Variants in COX10 observed in about 807,000 individuals in gnomAD.
COX10 encodes the protein protoheme IX farnesyltransferase, mitochondrial.
A neutral mutation model predicts 37.3 loss-of-function variants in COX10; 27 were observed. The observed-to-expected ratio is 0.72, with a 90% confidence interval of 0.53 to 1.00. The LOEUF (loss-of-function observed/expected upper bound fraction) is 1.00. Ranked by LOEUF, COX10 falls within the 50% of genes least tolerant of loss-of-function variation. The pLI is 0.00. For synonymous variants in COX10, 222 were observed against 229.1 expected (o/e 0.97, Z 0.28); for missense variants, 475 against 563.2 (o/e 0.84, Z 1.59).
chr17:14,186,735 G>C (rs2142259664), intron 5 of COX10, among the ~76,000 whole-genome samples: 1 of 152,086 alleles, frequency 6.6e-6, no homozygotes, highest in East Asian at 1.9e-4. Context: ...GCTCCTCCCA[G>C]GTGATTGCAT....
Position 14,102,208 on chromosome 17 carries a change from G to A in COX10, c.590G>A (p.Gly197Asp). ...TTCCTGCTTACTTCTGTTGGGACAGGCCTTGCATCCTGTGCTGCCAACTCC... is the reference window on the plus strand; with the variant it reads ...TTCCTGCTTACTTCTGTTGGGACAGACCTTGCATCCTGTGCTGCCAACTCC... ...PCFLLTSVGT[G>D]LASCAANSIN... The change falls in exon 4 of 7, where the codon GGC (glycine) becomes GAC (aspartate). Residue 197 changes from glycine (G) to aspartate (D), a missense_variant. Physicochemically the swap from Gly to Asp is moderately conservative, Grantham distance 94 (BLOSUM62 -1). Transcript: ENST00000261643. The A allele has an allele frequency of 6.2e-7, 1 of 1,613,664 alleles. No individual in the cohort carries two copies. Among genetic ancestry groups the A allele is most frequent in the Non-Finnish European group, 8.5e-7 (1 of 1,179,734 alleles).
chr17:14,125,537 A>G (rs1916324551), intron 4 of COX10, among the ~76,000 whole-genome samples: 1 of 152,204 alleles, frequency 6.6e-6, no homozygotes, highest in South Asian at 2.1e-4. Flanking sequence ...GGAGGCAAAT[A>G]CATTTGAGAG....
intron 4 of COX10, among the ~76,000 whole-genome samples, chr17:14,135,716 T>G (rs911605213): frequency 2.0e-5 from 3 of 152,004 alleles, no homozygotes; most frequent in African/African-American, 7.2e-5. Flanking sequence ...GAATTACTGT[T>G]TTTTCATAGT....
chr17:14,172,156 T>A lies in COX10; in HGVS notation c.695+12209T>A, dbSNP rs551633058. On this transcript the variant is annotated intron_variant, in intron 5 of 6. Transcript: ENST00000261643. ...TAGGTCTTCCGTAAGTGATCACTGT[T>A]TCACCAAACATATTTAAGACAAAAC... Among the ~76,000 whole-genome samples, 20 of 152,270 alleles carry A rather than the reference T, an allele frequency of 1.3e-4. No individual in the cohort carries two copies. The South Asian group carries it at 3.9e-3, about 30-fold the overall frequency.
Position 14,175,096 on chromosome 17 carries a change from G to GC in COX10, c.695+15149_695+15150insC, listed in dbSNP as rs1905631058. ...ACTGGGAAATAGCGGGGGGGGGGGGGGTGGATAGGAGGGAATTGGCTATAG... is the reference window on the plus strand; with the variant it reads ...ACTGGGAAATAGCGGGGGGGGGGGGGCGTGGATAGGAGGGAATTGGCTATAG... On this transcript the variant is annotated intron_variant, in intron 5 of 6. Transcript: ENST00000261643. 3.5e-4 allele frequency among the ~76,000 whole-genome samples: 24 copies of GC among 68,694 alleles called. 3 individuals carry two copies. The highest frequency in any genetic ancestry group is 1.3e-3 in the African/African-American group (24 of 18,462). The allele number at this position is 68,694 out of a possible 152,430, so 45.1% of individuals were successfully genotyped here. A position where few individuals can be genotyped will look rare whatever the true frequency, so the allele number is the denominator to read the frequency against.
At chr17:14,097,001 A>G (rs79430254) in intron 3 of COX10, among the ~76,000 whole-genome samples, 1,860 of 152,296 alleles carry the variant, frequency 0.012, 32 homozygotes, top group African/African-American at 0.042. Context: ...TAGATGGGTC[A>G]TGCTTCATTG....
At chr17:14,161,844 A>G (rs1253047836) in intron 5 of COX10, among the ~76,000 whole-genome samples, 2 of 152,174 alleles carry the variant, frequency 1.3e-5, no homozygotes, top group African/African-American at 2.4e-5. Flanking sequence ...CAGCTTGCAG[A>G]TGGCCTGTCG....
chr17:14,092,907 A>G lies in COX10; in HGVS notation c.500-9211A>G, dbSNP rs1915559969. ...AACTCCTTCCTCTGAATTAAGTTAT[A>G]CAATTTTGAACTTTGAGATCTGCTA... On this transcript the variant is annotated intron_variant, in intron 3 of 6. Transcript: ENST00000261643. 2.6e-5 allele frequency among the ~76,000 whole-genome samples: 4 copies of G among 152,228 alleles called. No homozygotes were observed. In the South Asian group the frequency reaches 8.3e-4, roughly 32 times the overall value.
rs1217723643 is a variant in COX10, at chr17:14,186,369, T to C, written c.696-5620T>C. On this transcript the variant is annotated intron_variant, in intron 5 of 6. Transcript: ENST00000261643. ...CATAAACTTGCCATTCTTCTCCTCT[T>C]TGGCCTTCTCACACACTGTTCCCAC... is the stretch of plus-strand genomic sequence containing the variant. 3.9e-5 allele frequency among the ~76,000 whole-genome samples: 6 copies of C among 151,982 alleles called. No homozygotes were observed. In the East Asian group the frequency reaches 1.2e-3, roughly 29 times the overall value.
At position 14,069,558 on chromosome 17, in the gene COX10, G is replaced by C. The variant is rs200728892; in HGVS notation, c.-48G>C. The C allele has an allele frequency of 1.5e-5, 24 of 1,608,734 alleles. No individual in the cohort carries two copies. The highest frequency in any genetic ancestry group is 1.9e-5 in the Non-Finnish European group (22 of 1,176,360). ...GATGGCGGCGCCCAGCGTCCCGTGA[G>C]GAGAGAGGACACAGGGATCCCGGGG... On this transcript the variant is annotated 5_prime_UTR_variant, in exon 1 of 7. Transcript: ENST00000261643.
intron 3 of COX10, among the ~76,000 whole-genome samples, chr17:14,098,914 T>C (rs1250135472): frequency 6.6e-6 from 1 of 152,128 alleles, no homozygotes; most frequent in Non-Finnish European, 1.5e-5. Flanking sequence ...TGACTTGTAG[T>C]AGCATATATG....
chr17:14,174,564 G>A (rs189921594), intron 5 of COX10, among the ~76,000 whole-genome samples: 1 of 152,120 alleles, frequency 6.6e-6, no homozygotes, highest in East Asian at 1.9e-4. Context: ...TAATCATACG[G>A]GAAATGCAAA....
intron 6 of COX10, among the ~76,000 whole-genome samples, chr17:14,200,709 A>G (rs1906518922): frequency 6.6e-6 from 1 of 152,236 alleles, no homozygotes; most frequent in South Asian, 2.1e-4. Context: ...CAGACTAGCA[A>G]GTATTTGATT....
intron 5 of COX10, among the ~76,000 whole-genome samples, chr17:14,161,936 T>C (rs1330741610): frequency 2.0e-5 from 3 of 152,212 alleles, no homozygotes; most frequent in Admixed American, 2.0e-4. Flanking sequence ...CACATCCTAT[T>C]GGTTCTGTAT....
chr17:14,156,318 C>T (rs72816672), intron 4 of COX10, among the ~76,000 whole-genome samples: 23,351 of 152,016 alleles, frequency 0.15, 2,207 homozygotes, highest in East Asian at 0.4. Context: ...CTCTGCCTCC[C>T]GGGAGGGTTC....
intron 6 of COX10, among the ~76,000 whole-genome samples, chr17:14,195,306 G>A (rs535977708): frequency 2.6e-5 from 4 of 152,248 alleles, no homozygotes; most frequent in African/African-American, 7.2e-5. Flanking sequence ...TTATTGCTGG[G>A]ATTTTAGGAA....
At chr17:14,082,456 T>A (rs1256986774) in intron 3 of COX10, among the ~76,000 whole-genome samples, 1 of 152,192 alleles carries the variant, frequency 6.6e-6, no homozygotes, top group Non-Finnish European at 1.5e-5. Flanking sequence ...ATAATCTATT[T>A]TAAAATAATT....
chr17:14,097,944 T>C (rs541887897), intron 3 of COX10, among the ~76,000 whole-genome samples: 2 of 152,306 alleles, frequency 1.3e-5, no homozygotes, highest in East Asian at 3.9e-4. Flanking sequence ...ATTGTCGTAC[T>C]GTATTGTTTA....
chr17:14,155,329 TAAAAA>T (rs11315138), intron 4 of COX10, among the ~76,000 whole-genome samples: 1 of 144,740 alleles, frequency 6.9e-6, no homozygotes. Context: ...AACATCTACA[TAAAAA>T]AAAAAAAAAA....
Sources: allele counts gnomAD v4.1 joint callset (sites outside exome capture counted in the v4.1 genomes callset), GRCh38; gene constraint gnomAD v4.1.1; transcripts MANE v1.5; gene names NCBI Gene and HGNC (gene_info 2026-07-23, HGNC 2026-07-21).